Variants in HEG1 observed in about 807,000 individuals in gnomAD.
HEG1 encodes protein HEG homolog 1.
A neutral mutation model predicts 125.6 loss-of-function variants in HEG1; 56 were observed. The ratio of observed to expected loss-of-function variants is 0.45; its 90% confidence interval spans 0.36 to 0.56. HEG1 has a LOEUF of 0.56. Ranked by LOEUF, HEG1 falls within the 20% of genes least tolerant of loss-of-function variation. The pLI, the probability that HEG1 is intolerant of heterozygous loss-of-function variation, is 0.00. For missense variants in HEG1, 1,523 were observed against 1,670.0 expected, an observed-to-expected ratio of 0.91 and a Z score of 1.53; for synonymous variants, 644 against 668.5, an observed-to-expected ratio of 0.96 and a Z score of 0.57.
intron 6 of HEG1, among the ~76,000 whole-genome samples, chr3:125,011,623 G>A (rs1229945225): frequency 1.3e-5 from 2 of 152,184 alleles, no homozygotes; most frequent in Non-Finnish European, 2.9e-5. Flanking sequence ...ATACAAAGGG[G>A]CACTGTGGGG....
At chr3:125,010,111 A>G (rs1401200053) in intron 7 of HEG1, among the ~76,000 whole-genome samples, 1 of 152,222 alleles carries the variant, frequency 6.6e-6, no homozygotes, top group Non-Finnish European at 1.5e-5. Flanking sequence ...CATCTGGACT[A>G]CAACTGGAAG....
chr3:124,983,700 C>T (rs150284608), intron 14 of HEG1, among the ~76,000 whole-genome samples: 99 of 152,148 alleles, frequency 6.5e-4, no homozygotes, highest in African/African-American at 2.1e-3. Flanking sequence ...TATTTTCTCC[C>T]GCACCTTCTG....
At chr3:124,985,903 G>A (rs898447087) in intron 14 of HEG1, among the ~76,000 whole-genome samples, 6 of 152,148 alleles carry the variant, frequency 3.9e-5, no homozygotes, top group South Asian at 2.1e-4. Context: ...TCAGCCTCCC[G>A]CGTAGCTGGG....
In HEG1 at chr3:124,985,017, G is replaced by T. The variant is rs568658771; in HGVS notation, c.3733+5770C>A. Among the ~76,000 whole-genome samples, 3 of 152,348 alleles carry T rather than the reference G, an allele frequency of 2.0e-5. 1 individual carries two copies. Among genetic ancestry groups the T allele is most frequent in the Admixed American group, 2.0e-4 (3 of 15,308 alleles). ...AGCAGGTTACAGAACAGTATGTTCA[G>T]TGAGATCCAATTTCTGTTAAAAAGA... is the stretch of plus-strand genomic sequence containing the variant. On this transcript the variant is annotated intron_variant, in intron 14 of 16. Coordinates refer to ENST00000311127, the MANE Select transcript of HEG1 (RefSeq NM_020733.2).
At position 124,973,864 on chromosome 3, in the gene HEG1, C is replaced by T; in HGVS notation, c.3863G>A (p.Gly1288Glu). ...NDISKLIFKS[G>E]DFQMSPYAEY... ...AGCATACGGGGACATTTGGAAATCTCCACTTTTGAAGATGAGTTTGCTTAT... is the reference window on the plus strand; with the variant it reads ...AGCATACGGGGACATTTGGAAATCTTCACTTTTGAAGATGAGTTTGCTTAT... Residue 1288 changes from glycine (G) to glutamate (E), a missense_variant, in exon 16 of 17, where the codon GGA becomes GAA. Physicochemically the swap from Gly to Glu is moderately conservative, Grantham distance 98 (BLOSUM62 -2). Coordinates refer to ENST00000311127, the MANE Select transcript of HEG1 (RefSeq NM_020733.2). 6.2e-7 allele frequency: 1 copy of T among 1,612,924 alleles called. No individual in the cohort carries two copies. Among genetic ancestry groups the T allele is most frequent in the Non-Finnish European group, 8.5e-7 (1 of 1,179,350 alleles).
intron 14 of HEG1, among the ~76,000 whole-genome samples, chr3:124,979,201 C>T (rs1936607381): frequency 6.6e-6 from 1 of 152,176 alleles, no homozygotes; most frequent in South Asian, 2.1e-4. Flanking sequence ...GTCCACCAGC[C>T]TCGGCCTCCC....
intron 8 of HEG1, 44 bp from the exon 9 acceptor site, chr3:125,005,412 C>T (rs1248816025): frequency 4.6e-6 from 5 of 1,089,470 alleles, no homozygotes; most frequent in Non-Finnish European, 1.4e-6. Flanking sequence ...AACAGAAGAA[C>T]CTATGCAAGG....
intron 14 of HEG1, among the ~76,000 whole-genome samples, chr3:124,987,952 C>CACACACACATATATATATATATAT: frequency 1.6e-4 from 9 of 54,694 alleles, no homozygotes; most frequent in African/African-American, 4.3e-4. Flanking sequence ...CACACACACA[C>CACACACACATATATATATATATAT]ATATATATAT....
intron 1 of HEG1, among the ~76,000 whole-genome samples, chr3:125,055,132 C>T (rs1470450038): frequency 1.3e-5 from 2 of 152,112 alleles, no homozygotes; most frequent in African/African-American, 2.4e-5. Context: ...TACAATATCC[C>T]GTCCTAGAAC....
Position 125,022,396 on chromosome 3 carries a change from C to CGAGAGAGAGAGA in HEG1, c.914-1278_914-1267dup, listed in dbSNP as rs10565452. On this transcript the variant is annotated intron_variant, in intron 3 of 16. Coordinates refer to ENST00000311127, the MANE Select transcript of HEG1 (RefSeq NM_020733.2). Reference sequence around the variant, plus strand: ...AAATAAATTTTAAGTATCACTACAGCGAGAGAGAGAGAGAGAGAGAGAGAG... The same window carrying CGAGAGAGAGAGA: ...AAATAAATTTTAAGTATCACTACAGCGAGAGAGAGAGAGAGAGAGAGAGAGAGAGAGAGAGAG... Among the ~76,000 whole-genome samples the CGAGAGAGAGAGA allele has an allele frequency of 5.6e-4, 80 of 142,726 alleles. 1 individual carries two copies. The highest frequency in any genetic ancestry group is 2.0e-3 in the African/African-American group (77 of 38,524). The allele number at this position is 142,726 out of a possible 152,430, so 93.6% of individuals were successfully genotyped here. A position where few individuals can be genotyped will look rare whatever the true frequency, so the allele number is the denominator to read the frequency against.
intron 1 of HEG1, among the ~76,000 whole-genome samples, chr3:125,036,223 A>AAAAAAAG (rs1204062921): frequency 2.0e-5 from 3 of 149,526 alleles, no homozygotes; most frequent in Non-Finnish European, 3.0e-5. Context: ...AAAAAAAAAA[A>AAAAAAAG]AAAGAAAAGA....
At chr3:125,014,922 G>T (rs753427416) in intron 5 of HEG1, 1 of 1,289,780 alleles carries the variant, frequency 7.8e-7, no homozygotes, top group Non-Finnish European at 1.0e-6. Context: ...CAAGGTGTGG[G>T]TGCCGAGAGA....
At chr3:125,038,347 C>G (rs1937565546) in intron 1 of HEG1, among the ~76,000 whole-genome samples, 1 of 152,228 alleles carries the variant, frequency 6.6e-6, no homozygotes, top group South Asian at 2.1e-4. Flanking sequence ...GCACAGCAAG[C>G]TCTTGAAGTC....
At chr3:124,971,085 G>A (rs976146623) in intron 16 of HEG1, 15 of 536,594 alleles carry the variant, frequency 2.8e-5, no homozygotes, top group Non-Finnish European at 5.4e-5. Context: ...GTGGAGTTAG[G>A]ACCCCAAACC....
chr3:125,014,378 G>A (rs1385993755), intron 5 of HEG1, among the ~76,000 whole-genome samples: 1 of 152,074 alleles, frequency 6.6e-6, no homozygotes, highest in East Asian at 1.9e-4. Context: ...ATGCCTAAAT[G>A]AAAAAAGGAA....
At chr3:124,997,924 C>T in intron 11 of HEG1, 101 bp from the exon 12 acceptor site, 1 of 1,295,718 alleles carries the variant, frequency 7.7e-7, no homozygotes, top group Non-Finnish European at 1.0e-6. Flanking sequence ...CATGAACTCT[C>T]TATTTCAAGA....
At chr3:125,035,684 G>T (rs1021646308) in intron 1 of HEG1, among the ~76,000 whole-genome samples, 2 of 151,812 alleles carry the variant, frequency 1.3e-5, no homozygotes, top group South Asian at 4.2e-4. Context: ...AATTCTTAAT[G>T]AAAGATATCA....
intron 1 of HEG1, among the ~76,000 whole-genome samples, chr3:125,048,524 G>A (rs1332989528): frequency 6.6e-6 from 1 of 152,248 alleles, no homozygotes; most frequent in Non-Finnish European, 1.5e-5. Context: ...CATGTGCCAA[G>A]TCTCCAAGAC....
chr3:125,049,116 T>G (rs1937744551), intron 1 of HEG1, among the ~76,000 whole-genome samples: 1 of 152,154 alleles, frequency 6.6e-6, no homozygotes, highest in African/African-American at 2.4e-5. Flanking sequence ...TTCCTGCACT[T>G]TTAGGAGTCC....
Sources: gnomAD v4.1 joint callset for allele counts (sites outside exome capture counted in the v4.1 genomes callset) on GRCh38, gnomAD v4.1.1 for gene constraint, MANE v1.5 for transcripts, NCBI Gene and HGNC (gene_info 2026-07-23, HGNC 2026-07-21) for gene names.